The following SLC7A6OS variants were observed in gnomAD, a reference collection of about 807,000 sequenced individuals.
SLC7A6OS encodes solute carrier family 7 member 6 opposite strand, also known as probable RNA polymerase II nuclear localization protein SLC7A6OS.
A neutral mutation model predicts 34.3 loss-of-function variants in SLC7A6OS; 22 were observed. The observed-to-expected ratio is 0.64, with a 90% CI of 0.46 to 0.92. The LOEUF (loss-of-function observed/expected upper bound fraction) is 0.92, where lower values mean the gene tolerates loss of function less well. Among genes scored for constraint, SLC7A6OS ranks in the 40% least tolerant of loss-of-function variants. SLC7A6OS has a pLI of 0.00. For synonymous variants in SLC7A6OS, 199 were observed against 165.0 expected (o/e 1.21, Z -1.58); for missense variants, 434 against 407.7 (o/e 1.06, Z -0.56).
intron 3 of SLC7A6OS, chr16:68,303,822 G>A (rs1033965891): frequency 2.8e-5 from 16 of 571,910 alleles, no homozygotes; most frequent in African/African-American, 2.6e-4. Flanking sequence ...ATGTAAAAAT[G>A]ATCAATCTAA....
intron 2 of SLC7A6OS, 131 bp from the exon 3 acceptor site, chr16:68,304,363 C>T (rs2043311032): frequency 1.3e-6 from 1 of 771,580 alleles, no homozygotes; most frequent in Admixed American, 2.3e-5. Context: ...CTCTGTCGCC[C>T]AGGCTGGAGT....
In SLC7A6OS at chr16:68,304,252, T is replaced by C; in HGVS notation, c.472-20A>G. The C allele has an allele frequency of 1.9e-6, 3 of 1,605,314 alleles. No homozygotes were observed. The highest frequency in any genetic ancestry group is 2.6e-6 in the Non-Finnish European group (3 of 1,172,020). ...AGATGTCTGTAAAGAAACCACAGAT[T>C]ACACACACACGCATGACCCAAAACA... On this transcript the variant is annotated intron_variant, in intron 2 of 4. Transcript: ENST00000263997.
In SLC7A6OS at chr16:68,301,318, T is replaced by G. The variant is rs2151238169; in HGVS notation, c.887A>C (p.Lys296Thr). ...GTGGGGGCTGTCATAGCCGAACTCC[T>G]TCTGCACATCCAGAGGGTACTTGCT... ...MWSKYPLDVQ[K>T]EFGYDSPHDL... is the part of the protein sequence containing the mutation. The change falls in exon 5 of 5, where the codon AAG becomes ACG. Residue 296 changes from lysine to threonine, a missense_variant. Lys to Thr is a moderately conservative substitution (Grantham distance 78). Coordinates refer to ENST00000263997, the MANE Select transcript of SLC7A6OS (RefSeq NM_032178.3). 6.2e-7 allele frequency: 1 copy of G among 1,614,124 alleles called. No homozygotes were observed. The highest frequency in any genetic ancestry group is 2.2e-5 in the East Asian group (1 of 44,872).
At chr16:68,302,590 TATC>T (rs1276017640) in intron 3 of SLC7A6OS, 89 bp from the exon 4 acceptor site, 2 of 1,540,128 alleles carry the variant, frequency 1.3e-6, no homozygotes, top group African/African-American at 2.7e-5. Context: ...CTTGAAGAGA[TATC>T]ATGTAAAAGT....
In SLC7A6OS at chr16:68,298,080, TAC is replaced by T. The variant is rs1448359763; in HGVS notation, c.*3193_*3194del. The T allele has an allele frequency of 1.3e-5, 2 of 152,768 alleles. No individual in the cohort carries two copies. Among genetic ancestry groups the T allele is most frequent in the African/African-American group, 4.8e-5 (2 of 41,564 alleles). 9.5% of individuals were successfully genotyped at this position (152,768 alleles called of 1,614,324 possible). ...CTCACGTACCTGTTACACTTTAGCATACAGATAGATCATAGATCACGTTACAA... is the reference window on the plus strand; with the variant it reads ...CTCACGTACCTGTTACACTTTAGCATAGATAGATCATAGATCACGTTACAA... On this transcript the variant is annotated 3_prime_UTR_variant, in exon 5 of 5. Coordinates refer to ENST00000263997, the MANE Select transcript of SLC7A6OS (RefSeq NM_032178.3).
chr16:68,305,742 A>T (rs1026205278), intron 2 of SLC7A6OS, among the ~76,000 whole-genome samples: 1 of 152,078 alleles, frequency 6.6e-6, no homozygotes, highest in Admixed American at 6.6e-5. Flanking sequence ...AAGTCCCTCC[A>T]CTCAGTCAAA....
chr16:68,309,617 A>C (rs2043392923), intron 2 of SLC7A6OS, among the ~76,000 whole-genome samples: 1 of 152,344 alleles, frequency 6.6e-6, no homozygotes, highest in South Asian at 2.1e-4. Context: ...CAAATGTAAT[A>C]TAAAGAAAAG....
chr16:68,299,880 T>C lies in SLC7A6OS; in HGVS notation c.*1395A>G, dbSNP rs1039724230. Reference sequence around the variant, plus strand: ...GCCTGTGTACACAGAATTTAATCACTTCGGCAGGTTGAACAACTCCATGTA... The same window carrying C: ...GCCTGTGTACACAGAATTTAATCACCTCGGCAGGTTGAACAACTCCATGTA... On this transcript the variant is annotated 3_prime_UTR_variant, in exon 5 of 5. Transcript: ENST00000263997. 2 of 152,192 alleles carry C rather than the reference T, an allele frequency of 1.3e-5. No individual in the cohort carries two copies. The highest frequency in any genetic ancestry group is 2.4e-5 in the African/African-American group (1 of 41,440). The allele number at this position is 152,192 out of a possible 1,614,324, so 9.4% of individuals were successfully genotyped here.
At chr16:68,309,259 T>C (rs189556092) in intron 2 of SLC7A6OS, among the ~76,000 whole-genome samples, 16 of 152,178 alleles carry the variant, frequency 1.1e-4, no homozygotes, top group Middle Eastern at 3.4e-3. Flanking sequence ...AATGCCCAGC[T>C]AATTTCCTCT....
At position 68,299,542 on chromosome 16, in the gene SLC7A6OS, C is replaced by T. The variant is rs1237685766; in HGVS notation, c.*1733G>A. ...TTTCTGCCAGCTCTTTGTTGTCTGT[C>T]TCCTTAAATCCTTTTCCTGGTGTGC... is the stretch of plus-strand genomic sequence containing the variant. On this transcript the variant is annotated 3_prime_UTR_variant, in exon 5 of 5. Coordinates refer to ENST00000263997, the MANE Select transcript of SLC7A6OS (RefSeq NM_032178.3). The T allele has an allele frequency of 1.3e-5, 2 of 152,424 alleles. No homozygotes were observed. The highest frequency in any genetic ancestry group is 4.8e-5 in the African/African-American group (2 of 41,462). 9.4% of individuals were successfully genotyped at this position (152,424 alleles called of 1,614,324 possible).
At position 68,304,154 on chromosome 16, in the gene SLC7A6OS, C is replaced by T. The variant is rs2043309030; in HGVS notation, c.550G>A (p.Gly184Arg). 6.2e-7 allele frequency: 1 copy of T among 1,614,192 alleles called. No homozygotes were observed. The highest frequency in any genetic ancestry group is 8.5e-7 in the Non-Finnish European group (1 of 1,180,034). The change falls in exon 3 of 5, where the codon GGA (glycine) becomes AGA (arginine). Residue 184 changes from glycine (G) to arginine (R), a missense_variant. Transcript: ENST00000263997. ...ERLTVSEDGPGVRRQEEQKHD... is the reference protein window; with the variant it reads ...ERLTVSEDGPRVRRQEEQKHD... ...TTTTGTTCTTCCTGGCGCCTGACTC[C>T]TGGTCCATCCTCAGACACAGTCAAT...
Position 68,304,176 on chromosome 16 carries a change from C to G in SLC7A6OS, c.528G>C (p.Leu176Phe), listed in dbSNP as rs376534005. The change falls in exon 3 of 5, where the codon TTG (leucine) becomes TTC (phenylalanine). Residue 176 changes from leucine to phenylalanine, a missense_variant. Coordinates refer to ENST00000263997, the MANE Select transcript of SLC7A6OS (RefSeq NM_032178.3). ...CTCCTGGTCCATCCTCAGACACAGT[C>G]AATCGCTCACGGATCAACTCTACAG... Reference protein sequence around the residue: ...CNSVELIRERLTVSEDGPGVR... With the variant: ...CNSVELIRERFTVSEDGPGVR... 61 of 1,614,084 alleles carry G rather than the reference C, an allele frequency of 3.8e-5. No individual in the cohort carries two copies. Among genetic ancestry groups the G allele is most frequent in the Non-Finnish European group, 5.1e-5 (60 of 1,180,056 alleles).
chr16:68,310,369 C>T lies in SLC7A6OS; in HGVS notation c.437G>A (p.Gly146Glu), dbSNP rs1438641074. Reference protein sequence around the residue: ...FQLLDLVHEEGEPEAASAGSC... With the variant: ...FQLLDLVHEEEEPEAASAGSC... ...GCCTGCAGAGGCGGCTTCAGGTTCT[C>T]CCTCCTCGTGGACAAGGTCTAACAA... The change falls in exon 2 of 5, where the codon GGA becomes GAA. Residue 146 changes from glycine to glutamate, a missense_variant. Gly to Glu is a moderately conservative substitution (Grantham distance 98, BLOSUM62 -2). Coordinates refer to ENST00000263997, the MANE Select transcript of SLC7A6OS (RefSeq NM_032178.3). 17 of 1,609,544 alleles carry T rather than the reference C, an allele frequency of 1.1e-5. No individual in the cohort carries two copies. Among genetic ancestry groups the T allele is most frequent in the Admixed American group, 6.7e-5 (4 of 59,910 alleles).
intron 2 of SLC7A6OS, among the ~76,000 whole-genome samples, chr16:68,310,067 C>G (rs1198014634): frequency 1.3e-5 from 2 of 152,216 alleles, no homozygotes; most frequent in African/African-American, 4.8e-5. Flanking sequence ...CCCTTATCAT[C>G]ATCTGACACT....
At chr16:68,306,536 G>A (rs1308128982) in intron 2 of SLC7A6OS, among the ~76,000 whole-genome samples, 2 of 151,880 alleles carry the variant, frequency 1.3e-5, no homozygotes, top group South Asian at 2.1e-4. Context: ...TTAAAGAGGC[G>A]GTTTTCATTA....
intron 2 of SLC7A6OS, among the ~76,000 whole-genome samples, chr16:68,309,371 A>AT (rs909662173): frequency 6.6e-5 from 10 of 150,642 alleles, no homozygotes; most frequent in African/African-American, 1.5e-4. Flanking sequence ...GGAGTATTTT[A>AT]TTTTTTTTTG....
At chr16:68,307,766 A>G (rs2151241643) in intron 2 of SLC7A6OS, among the ~76,000 whole-genome samples, 1 of 152,334 alleles carries the variant, frequency 6.6e-6, no homozygotes, top group South Asian at 2.1e-4. Flanking sequence ...TTAAGCTTAA[A>G]TTCATTTTTC....
At chr16:68,302,967 T>C (rs142959326) in intron 3 of SLC7A6OS, among the ~76,000 whole-genome samples, 50 of 152,288 alleles carry the variant, frequency 3.3e-4, no homozygotes, top group Non-Finnish European at 5.6e-4. Context: ...TTAAGCATTT[T>C]AGAATTTGAG....
At chr16:68,306,745 G>A (rs111621809) in intron 2 of SLC7A6OS, among the ~76,000 whole-genome samples, 10,583 of 152,222 alleles carry the variant, frequency 0.07, 514 homozygotes, top group Non-Finnish European at 0.11. Flanking sequence ...TCCTGCCTTA[G>A]CCTCCCAAAG....
Sources: gnomAD v4.1 joint callset for allele counts (sites outside exome capture counted in the v4.1 genomes callset) on GRCh38, gnomAD v4.1.1 for gene constraint, MANE v1.5 for transcripts, NCBI Gene and HGNC (gene_info 2026-07-23, HGNC 2026-07-21) for gene names.